PNKD: variants seen among roughly 807,000 people sequenced by gnomAD.
The protein encoded by PNKD is probable thioesterase PNKD.
A neutral mutation model predicts 45.3 loss-of-function variants in PNKD; 36 were observed. That is an observed-to-expected ratio of 0.80 (90% confidence interval 0.61 to 1.05). PNKD has a LOEUF of 1.05. Ranked by LOEUF, PNKD falls within the 50% of genes least tolerant of loss-of-function variation. PNKD has a pLI of 0.00. For synonymous variants in PNKD, 197 were observed against 210.1 expected, an observed-to-expected ratio of 0.94 and a Z score of 0.54; for missense variants, 511 against 506.6, an observed-to-expected ratio of 1.01 and a Z score of -0.08.
chr2:218,339,142 C>T (rs1342834332), intron 2 of PNKD, among the ~76,000 whole-genome samples: 1 of 152,076 alleles, frequency 6.6e-6, no homozygotes, highest in Non-Finnish European at 1.5e-5. Context: ...CACCACTGTT[C>T]TTTCTGAAAT....
intron 2 of PNKD, among the ~76,000 whole-genome samples, chr2:218,294,571 A>C (rs1486264352): frequency 6.6e-5 from 10 of 152,132 alleles, no homozygotes; most frequent in Non-Finnish European, 1.0e-4. Flanking sequence ...TTGACCTCCC[A>C]TGTACAAGCA....
chr2:218,276,710 C>A (rs1425698661), intron 2 of PNKD, among the ~76,000 whole-genome samples: 1 of 152,230 alleles, frequency 6.6e-6, no homozygotes, highest in East Asian at 1.9e-4. Context: ...AGTCTGCCTC[C>A]GAGAACCTGA....
At chr2:218,280,032 G>C in intron 2 of PNKD, 1 of 1,613,912 alleles carries the variant, frequency 6.2e-7, no homozygotes. Context: ...TTACCTTTCG[G>C]ATAAAAGTGT....
intron 2 of PNKD, chr2:218,285,978 T>G (rs1692473467): frequency 6.5e-6 from 1 of 154,876 alleles, no homozygotes; most frequent in Non-Finnish European, 1.5e-5. Context: ...GTGTTTACTT[T>G]CGTAGCTATG....
Position 218,271,420 on chromosome 2 carries a change from AC to A in PNKD, c.108del (p.Asn36LysfsTer37), listed in dbSNP as rs1399366367. On this transcript the variant is annotated frameshift_variant, in exon 2 of 10. Coordinates refer to ENST00000273077, the MANE Select transcript of PNKD (RefSeq NM_015488.5). LOFTEE classifies it high-confidence loss of function. ...AGATANKASHNRTRALQSHSS... is the reference protein window; with the variant it reads ...AGATANKASHXRTRALQSHSS... Reference sequence around the variant, plus strand: ...GCCACAGCTAACAAGGCTTCTCATAACAGGACCCGGGCCCTGCAAAGCCACA... The same window carrying A: ...GCCACAGCTAACAAGGCTTCTCATAAAGGACCCGGGCCCTGCAAAGCCACA... 6.2e-7 allele frequency: 1 copy of A among 1,614,072 alleles called. No individual in the cohort carries two copies. The highest frequency in any genetic ancestry group is 2.2e-5 in the East Asian group (1 of 44,878).
intron 2 of PNKD, chr2:218,323,282 C>T: frequency 1.3e-6 from 2 of 1,546,968 alleles, no homozygotes; most frequent in East Asian, 2.6e-5. Flanking sequence ...CTTGGCAGGG[C>T]TGGCCCGCGG....
chr2:218,271,624 A>C, intron 2 of PNKD, 75 bp downstream of exon 2: 1 of 1,356,674 alleles, frequency 7.4e-7, no homozygotes, highest in Non-Finnish European at 1.0e-6. Context: ...AAACTTCTCC[A>C]AGTTTCAGGT....
chr2:218,293,165 C>G (rs1263292661), intron 2 of PNKD, among the ~76,000 whole-genome samples: 2 of 152,192 alleles, frequency 1.3e-5, no homozygotes, highest in African/African-American at 4.8e-5. Flanking sequence ...AGGTGCTTTC[C>G]TCAAGTCAGA....
chr2:218,343,646 C>T lies in PNKD; in HGVS notation c.868+60C>T. Reference sequence around the variant, plus strand: ...CCCCACGCTCAGCCTGGGACAAGGGCCTTCCCACCCCCTCACTCCCCTAGA... The same window carrying T: ...CCCCACGCTCAGCCTGGGACAAGGGTCTTCCCACCCCCTCACTCCCCTAGA... On this transcript the variant is annotated intron_variant, in intron 8 of 9. Coordinates refer to ENST00000273077, the MANE Select transcript of PNKD (RefSeq NM_015488.5). 1.6e-6 allele frequency: 2 copies of T among 1,248,130 alleles called. 1 individual carries two copies. The highest frequency in any genetic ancestry group is 2.6e-5 in the South Asian group (2 of 78,272). 77.3% of individuals were successfully genotyped at this position (1,248,130 alleles called of 1,614,324 possible).
intron 2 of PNKD, among the ~76,000 whole-genome samples, chr2:218,324,864 G>A (rs1012861753): frequency 6.6e-6 from 1 of 151,808 alleles, no homozygotes; most frequent in Non-Finnish European, 1.5e-5. Flanking sequence ...GAAGCCGGGA[G>A]AGGGAGGTTG....
chr2:218,293,861 C>T (rs1693066289), intron 2 of PNKD, among the ~76,000 whole-genome samples: 1 of 148,338 alleles, frequency 6.7e-6, no homozygotes, highest in African/African-American at 2.5e-5. Flanking sequence ...AGTCAGCCCA[C>T]TTTGGCCTCC....
chr2:218,338,235 C>T (rs949520262), intron 2 of PNKD, among the ~76,000 whole-genome samples: 7 of 151,228 alleles, frequency 4.6e-5, no homozygotes, highest in African/African-American at 7.3e-5. Context: ...CCGAGGCAGG[C>T]GGATCACCTA....
At chr2:218,292,420 ACCGCCCACAGTCCCCAACGGCG>A (rs1338040011) in intron 2 of PNKD, 1 of 152,228 alleles carries the variant, frequency 6.6e-6, no homozygotes, top group African/African-American at 2.4e-5. Flanking sequence ...ACCAGTCCCC[ACCGCCCACAGTCCCCAACGGCG>A]CCGGCCCCGG....
At chr2:218,281,976 G>A in intron 2 of PNKD, 4 of 1,605,334 alleles carry the variant, frequency 2.5e-6, no homozygotes, top group Non-Finnish European at 3.4e-6. Context: ...GGGGGCATGG[G>A]CTGTGGGTAG....
chr2:218,278,163 GACCTGTGTTGTGGCGCCAGAAAC>G, intron 2 of PNKD: 1 of 642,200 alleles, frequency 1.6e-6, no homozygotes, highest in Admixed American at 2.9e-5. Context: ...CAATGAGACA[GACCTGTGTTGTGGCGCCAGAAAC>G]ACCTGGATTG....
At chr2:218,343,168 C>T (rs2106296847) in intron 7 of PNKD, among the ~76,000 whole-genome samples, 1 of 152,312 alleles carries the variant, frequency 6.6e-6, no homozygotes, top group East Asian at 1.9e-4. Flanking sequence ...CATGAAATCC[C>T]AAAGGGCAGC....
At chr2:218,277,930 C>G in intron 2 of PNKD, 1 of 1,614,164 alleles carries the variant, frequency 6.2e-7, no homozygotes, top group Non-Finnish European at 8.5e-7. Flanking sequence ...CCCTTCTAGA[C>G]TTACAAAAAG....
At chr2:218,314,247 A>G (rs1693705071) in intron 2 of PNKD, among the ~76,000 whole-genome samples, 2 of 43,436 alleles carry the variant, frequency 4.6e-5, no homozygotes, top group Non-Finnish European at 7.6e-5. Flanking sequence ...TTTTTTTGAG[A>G]CAGAGTCTCT....
rs750505305 is a variant in PNKD, at chr2:218,277,970, G to A, written c.236+6421G>A. ...AGCAGAATGATGTTCCATGGGAAACGGCGTCTGAAGGGAAAGAGAAGCCTT... is the reference window on the plus strand; with the variant it reads ...AGCAGAATGATGTTCCATGGGAAACAGCGTCTGAAGGGAAAGAGAAGCCTT... On this transcript the variant is annotated intron_variant, in intron 2 of 9. Transcript: ENST00000273077. 9.9e-6 allele frequency: 16 copies of A among 1,614,060 alleles called. No individual in the cohort carries two copies. The highest frequency in any genetic ancestry group is 8.9e-5 in the East Asian group (4 of 44,900).
Sources: gnomAD v4.1 joint callset for allele counts (sites outside exome capture counted in the v4.1 genomes callset) on GRCh38, gnomAD v4.1.1 for gene constraint, MANE v1.5 for transcripts, NCBI Gene and HGNC (gene_info 2026-07-23, HGNC 2026-07-21) for gene names.